POLK: variants seen among roughly 807,000 people sequenced by gnomAD.
POLK encodes DNA polymerase kappa, also known as polymerase (DNA directed) kappa.
Under a neutral mutation model 94.0 loss-of-function variants are expected in POLK, and 76 were observed. That is an observed-to-expected ratio of 0.81 (90% CI 0.67 to 0.98). The LOEUF (loss-of-function observed/expected upper bound fraction) is 0.98. Among genes scored for constraint, POLK ranks in the 50% least tolerant of loss-of-function variants. The pLI, the probability that POLK is intolerant of heterozygous loss-of-function variation, is 0.00. For missense variants in POLK, 954 were observed against 1,010.1 expected (o/e 0.94, Z 0.75); for synonymous variants, 349 against 325.4 (o/e 1.07, Z -0.78).
At chr5:75,517,640 G>C (rs1397885530) in intron 1 of POLK, among the ~76,000 whole-genome samples, 1 of 152,074 alleles carries the variant, frequency 6.6e-6, no homozygotes. Context: ...TCTTTCTCTT[G>C]TCTGATTGCT....
At chr5:75,569,382 A>G in exon 4 of POLK, 1 of 1,612,906 alleles carries the variant, frequency 6.2e-7, no homozygotes, top group African/African-American at 1.3e-5. Context: ...CCGAAATTTG[A>G]GCAATACCAT....
exon 13 of POLK, chr5:75,597,142 C>A: frequency 1.2e-6 from 2 of 1,606,776 alleles, no homozygotes; most frequent in Non-Finnish European, 8.5e-7. Flanking sequence ...TAAATTTAAC[C>A]CAGTTAATCA....
intron 9 of POLK, among the ~76,000 whole-genome samples, chr5:75,586,474 T>G (rs1293815090): frequency 1.3e-5 from 2 of 152,164 alleles, no homozygotes; most frequent in African/African-American, 4.8e-5. Context: ...TTCAACTTTT[T>G]GGTTTTAACT....
At chr5:75,545,397 G>A (rs1411135924) in intron 1 of POLK, among the ~76,000 whole-genome samples, 1 of 152,162 alleles carries the variant, frequency 6.6e-6, no homozygotes, top group East Asian at 1.9e-4. Flanking sequence ...ATGTCATGGA[G>A]TGCATCAGAG....
intron 1 of POLK, among the ~76,000 whole-genome samples, chr5:75,525,709 A>G (rs1768806163): frequency 6.6e-6 from 1 of 152,240 alleles, no homozygotes; most frequent in Non-Finnish European, 1.5e-5. Flanking sequence ...AGCAGAAATA[A>G]TGGAGTCTAG....
At chr5:75,596,028 T>C (rs1773063179) in intron 12 of POLK, among the ~76,000 whole-genome samples, 194 bp from the exon 13 acceptor site, 1 of 152,220 alleles carries the variant, frequency 6.6e-6, no homozygotes, top group Admixed American at 6.5e-5. Flanking sequence ...TAACTCCAAA[T>C]AGTTAATATT....
intron 1 of POLK, among the ~76,000 whole-genome samples, chr5:75,542,955 C>G (rs2112617824): frequency 6.6e-6 from 1 of 151,404 alleles, no homozygotes; most frequent in South Asian, 2.1e-4. Flanking sequence ...TCGTGATCCA[C>G]CCACCTCGGC....
At chr5:75,601,592 C>T (rs889910965), downstream of POLK, among the ~76,000 whole-genome samples, 1 of 152,176 alleles carries the variant, frequency 6.6e-6, no homozygotes, top group African/African-American at 2.4e-5. Flanking sequence ...GGAAGGACTA[C>T]ACTGGCTAAG....
At chr5:75,566,586 G>A (rs77916957) in intron 3 of POLK, among the ~76,000 whole-genome samples, 1 of 152,276 alleles carries the variant, frequency 6.6e-6, no homozygotes, top group East Asian at 1.9e-4. Flanking sequence ...CCTCACCAAC[G>A]GCACAGTCCC....
intron 1 of POLK, among the ~76,000 whole-genome samples, chr5:75,536,627 C>G (rs952130357): frequency 1.3e-5 from 2 of 151,408 alleles, no homozygotes; most frequent in Non-Finnish European, 2.9e-5. Flanking sequence ...CACCCTGCCC[C>G]CTGGGTGTTT....
intron 1 of POLK, among the ~76,000 whole-genome samples, chr5:75,527,518 C>T (rs1389844445): frequency 6.6e-6 from 1 of 150,696 alleles, no homozygotes; most frequent in African/African-American, 2.4e-5. Context: ...CACACACACA[C>T]ACACACACAC....
chr5:75,595,220 T>C (rs1773002372), intron 12 of POLK, among the ~76,000 whole-genome samples: 1 of 114,110 alleles, frequency 8.8e-6, no homozygotes, highest in Non-Finnish European at 1.6e-5. Context: ...CACTCCAGCC[T>C]GGGCAACAAG....
chr5:75,543,377 G>A (rs939370409), intron 1 of POLK, among the ~76,000 whole-genome samples: 1 of 152,032 alleles, frequency 6.6e-6, no homozygotes, highest in East Asian at 1.9e-4. Flanking sequence ...GAATAAATTC[G>A]GGGTGATTTT....
At chr5:75,548,963 C>G (rs1770194193) in intron 2 of POLK, among the ~76,000 whole-genome samples, 1 of 151,952 alleles carries the variant, frequency 6.6e-6, no homozygotes, top group South Asian at 2.1e-4. Flanking sequence ...GGAAAATGGC[C>G]TTATTTTTAA....
Position 75,517,947 on chromosome 5 carries a change from T to C in POLK, c.-14+6033T>C, listed in dbSNP as rs148024417. On this transcript the variant is annotated intron_variant, in intron 1 of 14. Coordinates refer to ENST00000241436, the Ensembl canonical transcript of POLK. ...AATGTGATGTATCATGTTTATTGAT[T>C]TGAATATGTTGAACTATCCTTGCGT... 5.3e-3 allele frequency among the ~76,000 whole-genome samples: 804 copies of C among 152,346 alleles called. 22 individuals are homozygous for C. The highest frequency in any genetic ancestry group is 0.041 in the Admixed American group (635 of 15,304).
chr5:75,547,151 C>T, exon 2 of POLK: 1 of 1,532,904 alleles, frequency 6.5e-7, no homozygotes, highest in Non-Finnish European at 8.9e-7. Flanking sequence ...TAATGGAAGC[C>T]ACGAAGGTAT....
intron 12 of POLK, among the ~76,000 whole-genome samples, chr5:75,595,439 C>T (rs1773026157): frequency 6.6e-6 from 1 of 151,750 alleles, no homozygotes; most frequent in Admixed American, 6.6e-5. Context: ...TGAAAAGACA[C>T]GAATGAAACT....
intron 1 of POLK, among the ~76,000 whole-genome samples, chr5:75,545,699 G>A (rs1769980966): frequency 1.3e-5 from 2 of 151,992 alleles, no homozygotes; most frequent in Non-Finnish European, 2.9e-5. Flanking sequence ...TTAAGAAGGA[G>A]ATCTGCATAC....
intron 6 of POLK, among the ~76,000 whole-genome samples, chr5:75,578,609 CAT>C (rs1432117202): frequency 2.6e-5 from 4 of 152,156 alleles, no homozygotes; most frequent in Non-Finnish European, 4.4e-5. Context: ...CTTTTCTTCT[CAT>C]GTGTAAATAC....
Sources: gnomAD v4.1 joint callset for allele counts (sites outside exome capture counted in the v4.1 genomes callset) on GRCh38, gnomAD v4.1.1 for gene constraint, MANE v1.5 for transcripts, NCBI Gene and HGNC (gene_info 2026-07-23, HGNC 2026-07-21) for gene names.